Variants in TET3 observed in about 807,000 individuals in gnomAD.
TET3 encodes the protein methylcytosine dioxygenase TET3.
Under a neutral mutation model 141.4 loss-of-function variants are expected in TET3, and 19 were observed. The ratio of observed to expected loss-of-function variants is 0.13; its 90% CI spans 0.09 to 0.20. TET3 has a LOEUF of 0.20. Among genes scored for constraint, TET3 ranks in the 10% least tolerant of loss-of-function variants. TET3 has a pLI of 1.00. For missense variants in TET3, 1,874 were observed against 2,356.9 expected (o/e 0.80, Z 4.24); for synonymous variants, 1,043 against 980.9 (o/e 1.06, Z -1.18).
At chr2:74,131,463 G>A in the TET3 span, among the ~76,000 whole-genome samples, 2 of 152,208 alleles carry the variant, frequency 1.3e-5, no homozygotes, top group Non-Finnish European at 2.9e-5. Context: ...CTCCTAACCA[G>A]TCTGTGTCTG....
intron 3 of TET3, among the ~76,000 whole-genome samples, chr2:74,044,948 TC>T (rs1687539120): frequency 6.6e-6 from 1 of 152,250 alleles, no homozygotes; most frequent in African/African-American, 2.4e-5. Flanking sequence ...AGTGTGCTTT[TC>T]CCCAGTCTAA....
the TET3 span, among the ~76,000 whole-genome samples, chr2:74,129,676 A>G: frequency 6.6e-6 from 1 of 152,064 alleles, no homozygotes; most frequent in Non-Finnish European, 1.5e-5. Context: ...TTACTTGAAC[A>G]TCAGTTGTTT....
intron 4 of TET3, among the ~76,000 whole-genome samples, chr2:74,054,613 A>G (rs1205974190): frequency 7.9e-6 from 1 of 125,968 alleles, no homozygotes; most frequent in African/African-American, 3.0e-5. Flanking sequence ...GTGTAGATCA[A>G]AAAGAAGCCC....
intron 6 of TET3, among the ~76,000 whole-genome samples, chr2:74,084,290 G>A (rs942835599): frequency 1.3e-5 from 2 of 152,186 alleles, no homozygotes; most frequent in African/African-American, 4.8e-5. Flanking sequence ...GATAAATACT[G>A]TATGATTCCA....
In TET3 at chr2:74,105,335, C is replaced by T; in HGVS notation, c.*3159C>T. ...TTCTGCTCTGTTTTGTTTTCCCTGC[C>T]TGTTGCGTGCAAGGGAAGTGCTTGT... On this transcript the variant is annotated 3_prime_UTR_variant, in exon 12 of 12. Transcript: ENST00000409262. 2.5e-6 allele frequency: 1 copy of T among 398,578 alleles called. No homozygotes were observed. The highest frequency in any genetic ancestry group is 4.4e-6 in the Non-Finnish European group (1 of 226,074). The allele number at this position is 398,578 out of a possible 1,614,324, so 24.7% of individuals were successfully genotyped here. A position where few individuals can be genotyped will look rare whatever the true frequency, so the allele number is the denominator to read the frequency against.
At chr2:73,991,284 T>G (rs1684309238) in intron 2 of TET3, among the ~76,000 whole-genome samples, 1 of 151,826 alleles carries the variant, frequency 6.6e-6, no homozygotes, top group South Asian at 2.1e-4. Context: ...TAGAATTGCT[T>G]GTTAAAAAGC....
In TET3 at chr2:74,100,557, G is replaced by A. The variant is rs763154773; in HGVS notation, c.3769G>A (p.Val1257Met). The change falls in exon 12 of 12, where the codon GTG (valine) becomes ATG (methionine). Residue 1257 changes from valine to methionine, a missense_variant. Physicochemically the swap from Val to Met is conservative, Grantham distance 21. Transcript: ENST00000409262. ...RPSDPYSMNS[V>M]YSYHSYYAQP... The stretch of plus-strand genomic sequence containing the variant: ...CTCCGACCCTTACAGCATGAACAGC[G>A]TGTACTCCTACCACTCCTACTATGC... 2.2e-5 allele frequency: 35 copies of A among 1,613,064 alleles called. No individual in the cohort carries two copies. Among genetic ancestry groups the A allele is most frequent in the Non-Finnish European group, 2.7e-5 (32 of 1,179,626 alleles).
At chr2:74,133,755 G>GT in the TET3 span, among the ~76,000 whole-genome samples, 2 of 152,026 alleles carry the variant, frequency 1.3e-5, no homozygotes, top group Non-Finnish European at 2.9e-5. Context: ...TTTTTTGTTT[G>GT]TTTTTTTGAG....
At chr2:74,096,015 A>G (rs553213127) in intron 10 of TET3, among the ~76,000 whole-genome samples, 26 of 152,102 alleles carry the variant, frequency 1.7e-4, no homozygotes, top group South Asian at 4.2e-4. Context: ...ATTTTTTCCT[A>G]TTTCTTCTTA....
intron 3 of TET3, among the ~76,000 whole-genome samples, chr2:74,011,303 T>C (rs1057066990): frequency 3.3e-5 from 5 of 152,138 alleles, no homozygotes; most frequent in African/African-American, 9.7e-5. Flanking sequence ...GTGTACAGTT[T>C]GGTGAATTTT....
chr2:74,048,293 A>T lies in TET3; in HGVS notation c.2376A>T (p.Thr792=), dbSNP rs371043287. The change falls in exon 4 of 12, where the codon ACA becomes ACT. Residue 792 remains threonine, a synonymous_variant. Transcript: ENST00000409262. ...ATPTKAENPL[T]PTLSGFLESP... is the part of the protein sequence containing the mutation. ...CCACCAAGGCTGAGAACCCACTCAC[A>T]CCCACCCTCAGTGGCTTCTTGGAGT... is the stretch of plus-strand genomic sequence containing the variant. 72 of 1,613,746 alleles carry T rather than the reference A, an allele frequency of 4.5e-5. No individual in the cohort carries two copies. Among genetic ancestry groups the T allele is most frequent in the Non-Finnish European group, 5.2e-5 (61 of 1,179,824 alleles).
At chr2:74,077,593 T>G (rs1005481042) in intron 5 of TET3, among the ~76,000 whole-genome samples, 3 of 152,172 alleles carry the variant, frequency 2.0e-5, no homozygotes, top group African/African-American at 7.2e-5. Context: ...TGGCTGTCTT[T>G]AAACACAAAG....
intron 4 of TET3, among the ~76,000 whole-genome samples, chr2:74,053,249 C>CT (rs1164156694): frequency 6.6e-6 from 1 of 152,136 alleles, no homozygotes; most frequent in Non-Finnish European, 1.5e-5. Context: ...AGAGTCCCCC[C>CT]CCAACCATCC....
intron 3 of TET3, among the ~76,000 whole-genome samples, chr2:74,004,184 G>A (rs1685026710): frequency 6.6e-6 from 1 of 152,118 alleles, no homozygotes; most frequent in African/African-American, 2.4e-5. Flanking sequence ...GAGGAAGCGC[G>A]TTCCTGCCCC....
intron 2 of TET3, among the ~76,000 whole-genome samples, chr2:73,988,754 C>G (rs1684171103): frequency 6.6e-6 from 1 of 152,080 alleles, no homozygotes; most frequent in Non-Finnish European, 1.5e-5. Flanking sequence ...TCTAGAGAAA[C>G]AAAAGGGGAC....
the TET3 span, among the ~76,000 whole-genome samples, chr2:74,125,630 T>C: frequency 6.6e-6 from 1 of 152,174 alleles, no homozygotes; most frequent in Non-Finnish European, 1.5e-5. Context: ...AAGTGTGGCA[T>C]TGTGGAGGTA....
chr2:73,985,410 G>C (rs1010608513), intron 1 of TET3, among the ~76,000 whole-genome samples: 1 of 144,702 alleles, frequency 6.9e-6, no homozygotes, highest in Non-Finnish European at 1.5e-5. Context: ...AGCCCGAGCG[G>C]CGGCGCGCGC....
At position 73,998,051 on chromosome 2, in the gene TET3, A is replaced by C. The variant is rs144383229; in HGVS notation, c.304-5059A>C. Among the ~76,000 whole-genome samples, 1,448 of 152,244 alleles carry C rather than the reference A, an allele frequency of 9.5e-3. 27 individuals are homozygous for C. The highest frequency in any genetic ancestry group is 0.033 in the African/African-American group (1,375 of 41,536). On this transcript the variant is annotated intron_variant, in intron 2 of 11. Coordinates refer to ENST00000409262, the MANE Select transcript of TET3 (RefSeq NM_001287491.2). Reference sequence around the variant, plus strand: ...ACCTCCCTGATCTTGCAGTGTGTAGAGATGCTACTTGATGCTGGCGGCAGG... The same window carrying C: ...ACCTCCCTGATCTTGCAGTGTGTAGCGATGCTACTTGATGCTGGCGGCAGG...
At chr2:74,135,276 A>G in the TET3 span, 3 of 486,312 alleles carry the variant, frequency 6.2e-6, no homozygotes, top group Middle Eastern at 5.4e-4. Flanking sequence ...CGTGGAGGGG[A>G]AGAAACAGGA....
Sources: allele counts gnomAD v4.1 joint callset (sites outside exome capture counted in the v4.1 genomes callset), GRCh38; gene constraint gnomAD v4.1.1; transcripts MANE v1.5; gene names NCBI Gene and HGNC (gene_info 2026-07-23, HGNC 2026-07-21).